ARPC2: variants seen among roughly 807,000 people sequenced by gnomAD.
The protein encoded by ARPC2 is actin-related protein 2/3 complex subunit 2.
In ARPC2, 4 loss-of-function variants were observed where a neutral mutation model predicts 38.6. The ratio of observed to expected loss-of-function variants is 0.10; its 90% CI spans 0.05 to 0.24. ARPC2 has a LOEUF of 0.24. ARPC2 is among the 10% of genes least tolerant of loss of function. The probability of loss-of-function intolerance (pLI) is 1.00; values close to 1 mark genes in which losing one functional copy is unlikely to be tolerated. For missense variants in ARPC2, 229 were observed against 387.3 expected, an observed-to-expected ratio of 0.59 and a Z score of 3.43; for synonymous variants, 125 against 140.8, an observed-to-expected ratio of 0.89 and a Z score of 0.79.
At position 218,251,116 on chromosome 2, in the gene ARPC2, G is replaced by A. The variant is rs1002901927; in HGVS notation, c.878+1195G>A. On this transcript the variant is annotated intron_variant, in intron 10 of 10. Transcript: ENST00000315717. The stretch of plus-strand genomic sequence containing the variant: ...CTCCCATCTGCTGTCTTTTGTACCA[G>A]TTGAACTAAAAGTCTTGAGGTCATA... 1.8e-4 allele frequency among the ~76,000 whole-genome samples: 28 copies of A among 152,120 alleles called. 1 individual carries two copies. The highest frequency in any genetic ancestry group is 4.6e-4 in the Admixed American group (7 of 15,262).
At chr2:218,244,331 G>T (rs1398371766) in intron 7 of ARPC2, among the ~76,000 whole-genome samples, 1 of 152,178 alleles carries the variant, frequency 6.6e-6, no homozygotes, top group Admixed American at 6.5e-5. Flanking sequence ...GCCACTAATT[G>T]TCGAGAGGGC....
At chr2:218,242,120 A>T (rs1378088334) in intron 7 of ARPC2, among the ~76,000 whole-genome samples, 1 of 152,162 alleles carries the variant, frequency 6.6e-6, no homozygotes, top group Non-Finnish European at 1.5e-5. Flanking sequence ...TCAGAATTCA[A>T]GTCTTGCTTT....
At chr2:218,250,342 G>A (rs552102198) in intron 10 of ARPC2, among the ~76,000 whole-genome samples, 2 of 152,282 alleles carry the variant, frequency 1.3e-5, no homozygotes, top group South Asian at 4.1e-4. Flanking sequence ...TGCATGCAGA[G>A]GAAGGTTCTC....
At chr2:218,224,647 C>A (rs1264174951) in intron 2 of ARPC2, among the ~76,000 whole-genome samples, 1 of 152,010 alleles carries the variant, frequency 6.6e-6, no homozygotes, top group Non-Finnish European at 1.5e-5. Flanking sequence ...TCCGTAAACC[C>A]ACTTGATACT....
chr2:218,226,556 G>A (rs1194782956), intron 3 of ARPC2, among the ~76,000 whole-genome samples: 1 of 149,990 alleles, frequency 6.7e-6, no homozygotes, highest in African/African-American at 2.5e-5. Context: ...ATGAACCCAG[G>A]AGGCGGAGCT....
At chr2:218,247,591 G>A (rs1473445957) in intron 8 of ARPC2, among the ~76,000 whole-genome samples, 1 of 152,060 alleles carries the variant, frequency 6.6e-6, no homozygotes, top group Non-Finnish European at 1.5e-5. Flanking sequence ...AGCTTCCCAG[G>A]TAGCTGGGAC....
Position 218,239,452 on chromosome 2 carries a change from G to A in ARPC2, c.517G>A (p.Asp173Asn), listed in dbSNP as rs757282923. 8.1e-6 allele frequency: 13 copies of A among 1,613,954 alleles called. No individual in the cohort carries two copies. Among genetic ancestry groups the A allele is most frequent in the Admixed American group, 6.7e-5 (4 of 60,000 alleles). The change falls in exon 7 of 11, where the codon GAC (aspartate) becomes AAC (asparagine). Residue 173 changes from aspartate to asparagine, a missense_variant. This residue lies in a region of ARPC2 where 135 missense variants were observed against 214.1 expected (regional missense o/e 0.63). Transcript: ENST00000315717. ...CTTCAGCACAGTGTTTAAGGATGAC[G>A]ACGATGTGGTCATTGGAAAGGTGTT... Reference protein sequence around the residue: ...VVFSTVFKDDDDVVIGKVFMQ... With the variant: ...VVFSTVFKDDNDVVIGKVFMQ...
At chr2:218,232,383 G>T (rs1437426368) in intron 4 of ARPC2, among the ~76,000 whole-genome samples, 1 of 152,148 alleles carries the variant, frequency 6.6e-6, no homozygotes, top group Non-Finnish European at 1.5e-5. Context: ...TGCTATAACA[G>T]AATACCACAG....
chr2:218,226,006 G>A, intron 3 of ARPC2, 52 bp downstream of exon 3: 4 of 1,592,160 alleles, frequency 2.5e-6, no homozygotes, highest in Non-Finnish European at 3.4e-6. Flanking sequence ...ATGAAAAATA[G>A]GAAATAGGCT....
At chr2:218,219,186 A>G (rs1053765232) in intron 2 of ARPC2, among the ~76,000 whole-genome samples, 4 of 152,206 alleles carry the variant, frequency 2.6e-5, no homozygotes, top group African/African-American at 9.7e-5. Context: ...ATAGGAGTAC[A>G]TTCTCATCTA....
chr2:218,250,261 TA>T (rs1690153195), intron 10 of ARPC2, among the ~76,000 whole-genome samples: 1 of 152,174 alleles, frequency 6.6e-6, no homozygotes, highest in Non-Finnish European at 1.5e-5. Context: ...TAGGGACCTT[TA>T]ATTGGGTAAA....
intron 2 of ARPC2, among the ~76,000 whole-genome samples, chr2:218,223,038 C>G (rs62182791): frequency 6.6e-6 from 1 of 152,198 alleles, no homozygotes; most frequent in African/African-American, 2.4e-5. Context: ...ATTACCTCAG[C>G]ATATCTATAA....
intron 10 of ARPC2, among the ~76,000 whole-genome samples, chr2:218,253,607 A>G (rs190663694): frequency 2.0e-5 from 3 of 152,332 alleles, no homozygotes; most frequent in Admixed American, 6.5e-5. Flanking sequence ...AATTGTGAAC[A>G]AGTGATTCTT....
chr2:218,220,145 A>G (rs975216852), intron 2 of ARPC2, among the ~76,000 whole-genome samples: 1 of 152,210 alleles, frequency 6.6e-6, no homozygotes, highest in African/African-American at 2.4e-5. Context: ...TGGAGATCAG[A>G]GAAAGACATT....
At chr2:218,252,050 C>T (rs927905451) in intron 10 of ARPC2, among the ~76,000 whole-genome samples, 1 of 152,072 alleles carries the variant, frequency 6.6e-6, no homozygotes, top group Non-Finnish European at 1.5e-5. Context: ...ATGGAGAAAC[C>T]CCATCTCTAC....
intron 4 of ARPC2, among the ~76,000 whole-genome samples, chr2:218,229,740 G>A (rs1222334070): frequency 6.6e-6 from 1 of 152,158 alleles, no homozygotes; most frequent in Non-Finnish European, 1.5e-5. Flanking sequence ...AGAGCCATTG[G>A]TTGCTTCCCT....
intron 2 of ARPC2, 58 bp downstream of exon 2, chr2:218,217,602 C>A: frequency 2.6e-6 from 4 of 1,513,720 alleles, no homozygotes; most frequent in East Asian, 2.4e-5. Flanking sequence ...CCCAGCTAAT[C>A]CCCAATGTTG....
At chr2:218,223,618 C>A (rs1156254739) in intron 2 of ARPC2, among the ~76,000 whole-genome samples, 1 of 152,290 alleles carries the variant, frequency 6.6e-6, no homozygotes, top group East Asian at 1.9e-4. Flanking sequence ...GTCTTCACAC[C>A]AACCTGGGAG....
At chr2:218,235,160 T>G (rs540796194) in intron 5 of ARPC2, 1 of 275,122 alleles carries the variant, frequency 3.6e-6, no homozygotes, top group African/African-American at 2.3e-5. Context: ...CAGTTACTTG[T>G]GCTAGCTTAT....
Sources: allele counts gnomAD v4.1 joint callset (sites outside exome capture counted in the v4.1 genomes callset), GRCh38; gene constraint gnomAD v4.1.1; regional missense constraint gnomAD v4.1.1; transcripts MANE v1.5; gene names NCBI Gene and HGNC (gene_info 2026-07-23, HGNC 2026-07-21).